CSGALNACT1: variants seen among roughly 807,000 people sequenced by gnomAD.
The protein encoded by CSGALNACT1 is chondroitin sulfate N-acetylgalactosaminyltransferase 1, also known as beta4GalNAcT-1.
A neutral mutation model predicts 51.0 loss-of-function variants in CSGALNACT1; 52 were observed. The ratio of observed to expected loss-of-function variants is 1.02; its 90% CI spans 0.82 to 1.29. The LOEUF (loss-of-function observed/expected upper bound fraction) is 1.29, where lower values mean the gene tolerates loss of function less well. CSGALNACT1 is among the 50% of genes most tolerant of loss of function. The pLI is 0.00. For synonymous variants in CSGALNACT1, 341 were observed against 254.4 expected (o/e 1.34, Z -3.24); for missense variants, 935 against 679.2 (o/e 1.38, Z -4.19).
At chr8:19,603,645 T>C (rs1490967891), upstream of CSGALNACT1, among the ~76,000 whole-genome samples, 1 of 152,250 alleles carries the variant, frequency 6.6e-6, no homozygotes, top group African/African-American at 2.4e-5. Flanking sequence ...ATAATTTGGC[T>C]TCCAATCCAT....
chr8:19,507,931 T>C lies in CSGALNACT1; in HGVS notation c.-296-1801A>G, dbSNP rs559136227. On this transcript the variant is annotated intron_variant, in intron 3 of 9. Transcript: ENST00000454498. ...CGTGAGCCGCCGTGCCCGGCCCTCC[T>C]AGATGCATCTTTCTATATCACTTCA... is the stretch of plus-strand genomic sequence containing the variant. Among the ~76,000 whole-genome samples the C allele has an allele frequency of 3.3e-5, 5 of 152,314 alleles. No individual in the cohort carries two copies. In the East Asian group the frequency reaches 9.7e-4, roughly 29 times the overall value.
chr8:19,705,651 T>C (rs2062117619), intron 1 of CSGALNACT1, among the ~76,000 whole-genome samples: 1 of 152,008 alleles, frequency 6.6e-6, no homozygotes, highest in South Asian at 2.1e-4. Context: ...GTGGGAGGAT[T>C]GCCTGAGCCG....
rs190375390 is a variant in CSGALNACT1 at position 19,439,862 on chromosome 8, A to G, written c.921T>C (p.Asn307=). 2.7e-5 allele frequency: 43 copies of G among 1,614,108 alleles called. No individual in the cohort carries two copies. The Admixed American group carries it at 5.7e-4, about 21-fold the overall frequency. ...TGTTTTCAAGTATTCCTTTGACTTC[A>G]TTTATTTCTTCTTTCCCAAAGTAAA... The change falls in exon 6 of 10, where the codon AAT becomes AAC. Residue 307 remains asparagine, a synonymous_variant. Coordinates refer to ENST00000454498, the Ensembl canonical transcript of CSGALNACT1.
chr8:19,420,533 C>T lies in CSGALNACT1; in HGVS notation c.954-15G>A. The T allele has an allele frequency of 1.2e-6, 2 of 1,612,860 alleles. No homozygotes were observed. Among genetic ancestry groups the T allele is most frequent in the Non-Finnish European group, 1.7e-6 (2 of 1,179,542 alleles). On this transcript the variant is annotated splice_polypyrimidine_tract_variant and intron_variant, in intron 6 of 9. Transcript: ENST00000454498. The stretch of plus-strand genomic sequence containing the variant: ...AGTTGGCAGCTCTGAAAGGCAAGAC[C>T]AGGTACTGTCACTCACATTCCCACA...
rs146836966 is a variant in CSGALNACT1, at chr8:19,598,889, C to T, written c.-416+2882G>A. On this transcript the variant is annotated intron_variant, in intron 2 of 9. Coordinates refer to ENST00000454498, the Ensembl canonical transcript of CSGALNACT1. Reference sequence around the variant, plus strand: ...TTATTCACTTTTCCATTCATTCACTCGCTCATTCATTCTTTTGTTTGGTGC... The same window carrying T: ...TTATTCACTTTTCCATTCATTCACTTGCTCATTCATTCTTTTGTTTGGTGC... 4.4e-3 allele frequency among the ~76,000 whole-genome samples: 677 copies of T among 152,302 alleles called. 3 individuals are homozygous for T. Among genetic ancestry groups the T allele is most frequent in the African/African-American group, 0.015 (637 of 41,566 alleles).
intron 3 of CSGALNACT1, among the ~76,000 whole-genome samples, chr8:19,533,541 T>C (rs746053919): frequency 2.6e-5 from 4 of 152,210 alleles, no homozygotes; most frequent in Non-Finnish European, 5.9e-5. Flanking sequence ...CTAGTGTACC[T>C]TCTATCCTGC....
At chr8:19,561,973 C>G (rs1002776533) in intron 3 of CSGALNACT1, among the ~76,000 whole-genome samples, 2 of 152,136 alleles carry the variant, frequency 1.3e-5, no homozygotes, top group African/African-American at 4.8e-5. Context: ...CTAGAATGCC[C>G]TTGACCTTCC....
intron 1 of CSGALNACT1, among the ~76,000 whole-genome samples, chr8:19,663,975 CAG>C (rs1249190950): frequency 2.0e-5 from 3 of 152,226 alleles, no homozygotes; most frequent in African/African-American, 7.2e-5. Context: ...ACCATCTTCA[CAG>C]AGAAATCTTT....
chr8:19,714,384 G>A (rs1222613713), intron 1 of CSGALNACT1, among the ~76,000 whole-genome samples: 2 of 151,482 alleles, frequency 1.3e-5, no homozygotes, highest in Admixed American at 6.6e-5. Context: ...TGAGCCTCTC[G>A]GATCTGTAAT....
At chr8:19,714,592 T>C (rs1206591050) in intron 1 of CSGALNACT1, among the ~76,000 whole-genome samples, 1 of 152,126 alleles carries the variant, frequency 6.6e-6, no homozygotes, top group African/African-American at 2.4e-5. Flanking sequence ...GTGTTTTAGT[T>C]TGGGTAATTT....
intron 1 of CSGALNACT1, among the ~76,000 whole-genome samples, chr8:19,705,338 T>A (rs543125668): frequency 6.6e-6 from 1 of 152,364 alleles, no homozygotes; most frequent in Admixed American, 6.5e-5. Context: ...GGAAACAATT[T>A]AAATGTTCAA....
At chr8:19,439,890 A>G (rs1295239357) in exon 6 of CSGALNACT1, 4 of 1,614,192 alleles carry the variant, frequency 2.5e-6, no homozygotes, top group Non-Finnish European at 3.4e-6. Flanking sequence ...AAAGTAAACA[A>G]CAGTGAGATG....
intron 6 of CSGALNACT1, among the ~76,000 whole-genome samples, chr8:19,430,808 T>C (rs1180945943): frequency 5.3e-5 from 8 of 152,178 alleles, no homozygotes; most frequent in Admixed American, 5.2e-4. Flanking sequence ...TGAAGAATAT[T>C]AATGAACATG....
chr8:19,420,219 A>C, intron 7 of CSGALNACT1, 121 bp downstream of exon 6: 1 of 904,814 alleles, frequency 1.1e-6, no homozygotes, highest in Non-Finnish European at 1.8e-6. Context: ...TTTCTTTGCT[A>C]TTGAAGTAAA....
At chr8:19,672,283 G>C (rs1038209523) in intron 1 of CSGALNACT1, among the ~76,000 whole-genome samples, 1 of 152,136 alleles carries the variant, frequency 6.6e-6, no homozygotes, top group African/African-American at 2.4e-5. Flanking sequence ...CTCTTCCTTA[G>C]ACGCCTAACA....
At chr8:19,570,666 C>T (rs973853356) in intron 3 of CSGALNACT1, among the ~76,000 whole-genome samples, 9 of 152,120 alleles carry the variant, frequency 5.9e-5, no homozygotes, top group African/African-American at 2.2e-4. Context: ...CTTTGGGAGG[C>T]CGAAGTGGGC....
intron 3 of CSGALNACT1, among the ~76,000 whole-genome samples, chr8:19,515,297 T>G (rs888273604): frequency 6.6e-6 from 1 of 152,134 alleles, no homozygotes; most frequent in African/African-American, 2.4e-5. Flanking sequence ...CCTTCCTTCC[T>G]CACCCAAAAG....
chr8:19,505,646 C>A, exon 4 of CSGALNACT1: 3 of 1,614,196 alleles, frequency 1.9e-6, no homozygotes, highest in South Asian at 1.1e-5. Flanking sequence ...GCTCCTCCCA[C>A]TCCTGAAGGA....
At chr8:19,501,045 T>C (rs951370437) in intron 4 of CSGALNACT1, among the ~76,000 whole-genome samples, 14 of 151,526 alleles carry the variant, frequency 9.2e-5, no homozygotes, top group African/African-American at 3.2e-4. Context: ...AGGTCAGGAG[T>C]TCGAGACCAG....
Sources: allele counts gnomAD v4.1 joint callset (sites outside exome capture counted in the v4.1 genomes callset), GRCh38; gene constraint gnomAD v4.1.1; transcripts MANE v1.5; gene names NCBI Gene and HGNC (gene_info 2026-07-23, HGNC 2026-07-21).